SYNE2: variants seen among roughly 807,000 people sequenced by gnomAD.
SYNE2 encodes spectrin repeat containing nuclear envelope protein 2, also known as nesprin-2.
In SYNE2, 431 loss-of-function variants were observed where a neutral mutation model predicts 856.3. The observed-to-expected ratio is 0.50, with a 90% CI of 0.47 to 0.55. The LOEUF is 0.55. Among genes scored for constraint, SYNE2 ranks in the 20% least tolerant of loss-of-function variants. SYNE2 has a pLI of 0.00. For missense variants in SYNE2, 8,129 were observed against 8,023.2 expected (o/e 1.01, Z -0.50); for synonymous variants, 2,923 against 2,872.3 (o/e 1.02, Z -0.56).
intron 1 of SYNE2, among the ~76,000 whole-genome samples, chr14:63,830,541 G>C (rs1278867826): frequency 6.6e-6 from 1 of 151,616 alleles, no homozygotes; most frequent in East Asian, 1.9e-4. Flanking sequence ...TGTACCTATG[G>C]TCCCAGCTAC....
intron 31 of SYNE2, among the ~76,000 whole-genome samples, chr14:64,008,745 G>T (rs185537478): frequency 6.6e-6 from 1 of 152,086 alleles, no homozygotes. Flanking sequence ...TAGGCAGTGG[G>T]GGGTATTAGA....
chr14:63,804,100 G>A (rs1371922308), intron 1 of SYNE2, among the ~76,000 whole-genome samples: 1 of 152,120 alleles, frequency 6.6e-6, no homozygotes, highest in Non-Finnish European at 1.5e-5. Context: ...CATGCTTCCT[G>A]TACAGCCTGT....
intron 99 of SYNE2, among the ~76,000 whole-genome samples, chr14:64,199,170 G>A (rs537555361): frequency 3.3e-5 from 5 of 152,312 alleles, no homozygotes; most frequent in African/African-American, 1.2e-4. Flanking sequence ...ACCCCTCAGT[G>A]TATCCTGAGC....
In SYNE2 at chr14:64,225,665, C is replaced by G; in HGVS notation, c.*139C>G. The G allele has an allele frequency of 2.1e-6, 2 of 961,650 alleles. No individual in the cohort carries two copies. The allele number at this position is 961,650 out of a possible 1,614,324, so 59.6% of individuals were successfully genotyped here. A position where few individuals can be genotyped will look rare whatever the true frequency, so the allele number is the denominator to read the frequency against. ...AGACTTCTTCTGGGCTTACCCAGCA[C>G]GGGCTCCCTGGAGCCCAGGGCAGCT... On this transcript the variant is annotated 3_prime_UTR_variant, in exon 116 of 116. Coordinates refer to ENST00000555002, the MANE Select transcript of SYNE2 (RefSeq NM_182914.3).
rs1447526515 is a variant in SYNE2 at position 64,167,575 on chromosome 14, A to C, written c.16841A>C (p.Glu5614Ala). 1.1e-5 allele frequency: 17 copies of C among 1,614,102 alleles called. No homozygotes were observed. Among genetic ancestry groups the C allele is most frequent in the African/African-American group, 5.3e-5 (4 of 74,934 alleles). ...KWIQLLEKIEEALKVDVANSL... is the reference protein window; with the variant it reads ...KWIQLLEKIEAALKVDVANSL... ...ATCCAACTTTTGGAGAAGATAGAAG[A>C]AGCACTCAAAGTGGATGTGGCTAAC... Residue 5614 changes from glutamate to alanine, a missense_variant, in exon 92 of 116, where the codon GAA becomes GCA. Glu to Ala is a moderately radical substitution (Grantham distance 107). This residue lies in a region of SYNE2 where 5,410 missense variants were observed against 5,284.8 expected (regional missense o/e 1.02). Transcript: ENST00000555002.
chr14:64,216,029 T>C (rs2098664807), intron 107 of SYNE2: 4 of 1,459,224 alleles, frequency 2.7e-6, no homozygotes, highest in Admixed American at 2.2e-5. Context: ...GCAAATCATG[T>C]TGGTCGTGCT....
intron 1 of SYNE2, among the ~76,000 whole-genome samples, chr14:63,821,848 C>A (rs961281762): frequency 2.6e-5 from 4 of 151,898 alleles, no homozygotes; most frequent in African/African-American, 7.3e-5. Flanking sequence ...TTGTTCAAAA[C>A]ATTAGAAATT....
rs768655806 is a variant in SYNE2 at position 64,024,243 on chromosome 14, T to C, written c.5638-14T>C. ...TTGCCAGGAGATTGTAATGGACTTTTTGTCTTTCTGAAGGATTTCTTGACT... is the reference window on the plus strand; with the variant it reads ...TTGCCAGGAGATTGTAATGGACTTTCTGTCTTTCTGAAGGATTTCTTGACT... On this transcript the variant is annotated splice_polypyrimidine_tract_variant and intron_variant, in intron 38 of 115. Coordinates refer to ENST00000555002, the MANE Select transcript of SYNE2 (RefSeq NM_182914.3). The C allele has an allele frequency of 1.2e-6, 2 of 1,613,286 alleles. No homozygotes were observed. The highest frequency in any genetic ancestry group is 1.1e-5 in the South Asian group (1 of 90,832).
intron 2 of SYNE2, 33 bp from the exon 3 acceptor site, chr14:63,940,581 G>A (rs780047663): frequency 5.0e-6 from 8 of 1,610,978 alleles, no homozygotes; most frequent in Non-Finnish European, 6.8e-6. Context: ...GAGGCTTCTG[G>A]TTTTATAACT....
In SYNE2 at chr14:64,021,488, C is replaced by T; in HGVS notation, c.5325C>T (p.Asp1775=). Reference sequence around the variant, plus strand: ...TCTTAAAAGCCCTGTCTCCTTCTGACAGCTTGGAGATCTTCACTAAACTAG... The same window carrying T: ...TCTTAAAAGCCCTGTCTCCTTCTGATAGCTTGGAGATCTTCACTAAACTAG... ...ESLLKALSPS[D]SLEIFTKLEE... Residue 1775 remains aspartate (D), a synonymous_variant, in exon 36 of 116, where the codon GAC becomes GAT. Coordinates refer to ENST00000555002, the MANE Select transcript of SYNE2 (RefSeq NM_182914.3). 1 of 1,613,924 alleles carries T rather than the reference C, an allele frequency of 6.2e-7. No individual in the cohort carries two copies. Among genetic ancestry groups the T allele is most frequent in the Non-Finnish European group, 8.5e-7 (1 of 1,179,972 alleles).
intron 29 of SYNE2, among the ~76,000 whole-genome samples, 183 bp downstream of exon 29, chr14:64,002,264 G>A (rs2096761319): frequency 6.6e-6 from 1 of 151,950 alleles, no homozygotes; most frequent in Non-Finnish European, 1.5e-5. Context: ...TGCAAATTTG[G>A]AGGTGGGCAC....
At chr14:64,187,818 T>C (rs2098499778) in intron 97 of SYNE2, among the ~76,000 whole-genome samples, 1 of 152,226 alleles carries the variant, frequency 6.6e-6, no homozygotes, top group Non-Finnish European at 1.5e-5. Flanking sequence ...TACATCTAGT[T>C]AGGCTGATTT....
intron 32 of SYNE2, among the ~76,000 whole-genome samples, chr14:64,011,068 A>C (rs763591006): frequency 2.0e-4 from 30 of 152,372 alleles, no homozygotes; most frequent in Non-Finnish European, 3.5e-4. Context: ...TGTCAAGAGC[A>C]GCATCAGTGA....
chr14:63,765,142 A>C (rs776732346), intron 1 of SYNE2, among the ~76,000 whole-genome samples: 11 of 152,130 alleles, frequency 7.2e-5, no homozygotes, highest in Non-Finnish European at 1.5e-4. Flanking sequence ...TCTTCCTTCC[A>C]TCCTCTAACT....
intron 31 of SYNE2, among the ~76,000 whole-genome samples, chr14:64,007,580 A>C (rs1260822299): frequency 2.6e-5 from 4 of 152,228 alleles, no homozygotes; most frequent in Non-Finnish European, 4.4e-5. Context: ...TCTGGAGGTC[A>C]GAAGTGGTAA....
chr14:64,177,998 A>G (rs1228545788), intron 96 of SYNE2, among the ~76,000 whole-genome samples: 1 of 152,226 alleles, frequency 6.6e-6, no homozygotes. Flanking sequence ...GACAAGGCAA[A>G]CTTATGGATA....
chr14:63,894,594 A>G (rs1326374904), intron 1 of SYNE2, among the ~76,000 whole-genome samples: 22 of 152,136 alleles, frequency 1.4e-4, no homozygotes, highest in Admixed American at 1.4e-3. Context: ...AATACACTGC[A>G]GAGCCTGGAC....
At chr14:64,202,215 G>T in intron 99 of SYNE2, 3 of 702,270 alleles carry the variant, frequency 4.3e-6, no homozygotes, top group Non-Finnish European at 7.8e-6. Flanking sequence ...TAATCTACCC[G>T]CATGGGCTGG....
chr14:63,763,385 T>C (rs1886561082), intron 1 of SYNE2, among the ~76,000 whole-genome samples: 1 of 152,184 alleles, frequency 6.6e-6, no homozygotes, highest in Non-Finnish European at 1.5e-5. Flanking sequence ...GAATCATTTA[T>C]ACTTTATTTT....
Sources: allele counts gnomAD v4.1 joint callset (sites outside exome capture counted in the v4.1 genomes callset), GRCh38; gene constraint gnomAD v4.1.1; regional missense constraint gnomAD v4.1.1; transcripts MANE v1.5; gene names NCBI Gene and HGNC (gene_info 2026-07-23, HGNC 2026-07-21).